EDNRA: variants seen among roughly 807,000 people sequenced by gnomAD.
EDNRA encodes the protein endothelin receptor type A.
Under a neutral mutation model 41.4 loss-of-function variants are expected in EDNRA, and 11 were observed. The observed-to-expected ratio is 0.27, with a 90% CI of 0.17 to 0.44. EDNRA has a LOEUF of 0.44. Ranked by LOEUF, EDNRA falls within the 20% of genes least tolerant of loss-of-function variation. The pLI, the probability that EDNRA is intolerant of heterozygous loss-of-function variation, is 1.00. For missense variants in EDNRA, 294 were observed against 531.0 expected (o/e 0.55, Z 4.39); for synonymous variants, 172 against 183.0 (o/e 0.94, Z 0.49).
intron 2 of EDNRA, among the ~76,000 whole-genome samples, chr4:147,512,049 C>G (rs10020557): frequency 0.071 from 10,806 of 152,228 alleles, 1,259 homozygotes; most frequent in African/African-American, 0.24. Flanking sequence ...TTGACACACA[C>G]AATCAGCACA....
intron 2 of EDNRA, among the ~76,000 whole-genome samples, chr4:147,513,437 T>C (rs1729992502): frequency 6.6e-6 from 1 of 152,210 alleles, no homozygotes; most frequent in Admixed American, 6.5e-5. Flanking sequence ...ACAAAATCTA[T>C]TCTTGGTCAC....
intron 3 of EDNRA, among the ~76,000 whole-genome samples, chr4:147,523,618 G>A (rs1730419459): frequency 1.3e-5 from 2 of 151,704 alleles, no homozygotes; most frequent in Non-Finnish European, 2.9e-5. Context: ...AGCTTCCCGA[G>A]TAGCTGGGAC....
chr4:147,491,382 A>G (rs1010237907), intron 2 of EDNRA: 2 of 152,338 alleles, frequency 1.3e-5, no homozygotes, highest in South Asian at 2.1e-4. Flanking sequence ...GCTTCTTGAC[A>G]TATCAAATCA....
chr4:147,541,810 G>A (rs907329659), intron 7 of EDNRA, among the ~76,000 whole-genome samples: 1 of 152,084 alleles, frequency 6.6e-6, no homozygotes, highest in African/African-American at 2.4e-5. Context: ...CTAACATGCA[G>A]GTTAAAATTA....
intron 2 of EDNRA, chr4:147,495,207 G>A (rs939140651): frequency 3.3e-5 from 5 of 152,180 alleles, no homozygotes; most frequent in Non-Finnish European, 7.3e-5. Context: ...GGCAGGTCCA[G>A]GATTTGGATC....
At position 147,543,588 on chromosome 4, in the gene EDNRA, A is replaced by G. The variant is rs201217576; in HGVS notation, c.*970A>G. ...TATATAGAAGTCTAAAACACACCTA[A>G]GAGAAAAAGATCGAATTTTTCAGAT... On this transcript the variant is annotated 3_prime_UTR_variant, in exon 8 of 8. Coordinates refer to ENST00000651419, the MANE Select transcript of EDNRA (RefSeq NM_001957.4). 3 of 152,176 alleles carry G rather than the reference A, an allele frequency of 2.0e-5. No homozygotes were observed. Among genetic ancestry groups the G allele is most frequent in the Non-Finnish European group, 2.9e-5 (2 of 68,026 alleles). 9.4% of individuals were successfully genotyped at this position (152,176 alleles called of 1,614,324 possible).
At position 147,485,880 on chromosome 4, in the gene EDNRA, A is replaced by T; in HGVS notation, c.199A>T (p.Asn67Tyr). Reference sequence around the variant, plus strand: ...CCTACCCAGCAATGGCTCAATGCACAACTATTGCCCACAGCAGACTAAAAT... The same window carrying T: ...CCTACCCAGCAATGGCTCAATGCACTACTATTGCCCACAGCAGACTAAAAT... ...LVLPSNGSMH[N>Y]YCPQQTKITS... Residue 67 changes from asparagine to tyrosine, a missense_variant, in exon 2 of 8, where the codon AAC becomes TAC. By Grantham distance (143) the Asn-to-Tyr change is moderately radical. Coordinates refer to ENST00000651419, the MANE Select transcript of EDNRA (RefSeq NM_001957.4). 1 of 1,614,274 alleles carries T rather than the reference A, an allele frequency of 6.2e-7. No individual in the cohort carries two copies. The highest frequency in any genetic ancestry group is 1.3e-5 in the African/African-American group (1 of 75,070).
At position 147,540,539 on chromosome 4, in the gene EDNRA, A is replaced by C. The variant is rs10305927; in HGVS notation, c.1143+54A>C. On this transcript the variant is annotated intron_variant, in intron 7 of 7. Transcript: ENST00000651419. ...AGACAACAAAATGAGTATATTAAAC[A>C]GTCAACAGACACAGCCAATTCCAGT... 5,252 of 1,271,564 alleles carry C rather than the reference A, an allele frequency of 4.1e-3. 168 individuals are homozygous for C. In the African/African-American group the frequency reaches 0.067, roughly 16 times the overall value. 78.8% of individuals were successfully genotyped at this position (1,271,564 alleles called of 1,614,324 possible). A position where few individuals can be genotyped will look rare whatever the true frequency, so the allele number is the denominator to read the frequency against.
At chr4:147,542,138 C>A (rs981713696) in intron 7 of EDNRA, among the ~76,000 whole-genome samples, 1 of 152,170 alleles carries the variant, frequency 6.6e-6, no homozygotes, top group African/African-American at 2.4e-5. Flanking sequence ...ACAGGTGGTG[C>A]ACACTGAAGA....
intron 3 of EDNRA, among the ~76,000 whole-genome samples, 165 bp from the exon 4 acceptor site, chr4:147,532,341 A>C (rs1021902475): frequency 1.3e-5 from 2 of 150,900 alleles, no homozygotes; most frequent in Non-Finnish European, 3.0e-5. Flanking sequence ...AAAAAAAAAA[A>C]AAAAAAAAAC....
intron 3 of EDNRA, among the ~76,000 whole-genome samples, chr4:147,522,155 G>A (rs998921030): frequency 2.6e-5 from 4 of 152,080 alleles, no homozygotes; most frequent in Non-Finnish European, 5.9e-5. Flanking sequence ...GCATGTTAAA[G>A]TCTTCTGTAC....
intron 2 of EDNRA, among the ~76,000 whole-genome samples, chr4:147,513,059 A>C (rs2126436172): frequency 6.6e-6 from 1 of 152,316 alleles, no homozygotes; most frequent in African/African-American, 2.4e-5. Flanking sequence ...ACAAAGGTTA[A>C]CGAGCATGCC....
rs963968092 is a variant in EDNRA, at chr4:147,485,844, A to G, written c.163A>G (p.Thr55Ala). 6 of 1,614,246 alleles carry G rather than the reference A, an allele frequency of 3.7e-6. No homozygotes were observed. The South Asian group carries it at 6.6e-5, about 18-fold the overall frequency. The change falls in exon 2 of 8, where the codon ACT becomes GCT. Residue 55 changes from threonine to alanine, a missense_variant. Thr to Ala is a moderately conservative substitution (Grantham distance 58, BLOSUM62 0). Coordinates refer to ENST00000651419, the MANE Select transcript of EDNRA (RefSeq NM_001957.4). ...LSFLVTTHQP[T>A]NLVLPSNGSM... ...CTTCCTGGTTACCACTCATCAACCC[A>G]CTAATTTGGTCCTACCCAGCAATGG...
At chr4:147,502,105 T>TA (rs909707165) in intron 2 of EDNRA, among the ~76,000 whole-genome samples, 12 of 152,032 alleles carry the variant, frequency 7.9e-5, no homozygotes, top group Admixed American at 5.2e-4. Context: ...AGATTGCCTA[T>TA]AAAAAAATGG....
chr4:147,515,589 G>C (rs1475956738), intron 2 of EDNRA, among the ~76,000 whole-genome samples: 3 of 152,192 alleles, frequency 2.0e-5, no homozygotes, highest in Non-Finnish European at 4.4e-5. Context: ...TGTAGAGTGA[G>C]AATCAGTCCC....
intron 2 of EDNRA, chr4:147,488,477 G>A (rs1487040866): frequency 1.3e-5 from 2 of 152,132 alleles, no homozygotes; most frequent in African/African-American, 4.8e-5. Flanking sequence ...AAATAATGTG[G>A]ACAGTTTGAC....
chr4:147,532,202 T>G (rs1320903625), intron 3 of EDNRA, among the ~76,000 whole-genome samples: 4 of 147,102 alleles, frequency 2.7e-5, no homozygotes, highest in Non-Finnish European at 6.0e-5. Context: ...GGCAGGCGCC[T>G]GTAGTCCCAG....
chr4:147,523,497 GTT>G (rs558896838), intron 3 of EDNRA, among the ~76,000 whole-genome samples: 3 of 98,518 alleles, frequency 3.0e-5, no homozygotes, highest in Admixed American at 9.9e-5. Flanking sequence ...TGTTTTTTTT[GTT>G]TTTTTTTTTG....
At chr4:147,483,304 A>G (rs912383285) in intron 1 of EDNRA, among the ~76,000 whole-genome samples, 1 of 152,232 alleles carries the variant, frequency 6.6e-6, no homozygotes, top group Admixed American at 6.5e-5. Flanking sequence ...GTCAAGTCCT[A>G]TAAGCAAAAT....
Sources: gnomAD v4.1 joint callset for allele counts (sites outside exome capture counted in the v4.1 genomes callset) on GRCh38, gnomAD v4.1.1 for gene constraint, MANE v1.5 for transcripts, NCBI Gene and HGNC (gene_info 2026-07-23, HGNC 2026-07-21) for gene names.